KCNH7: variants seen among roughly 807,000 people sequenced by gnomAD.
The protein encoded by KCNH7 is potassium voltage-gated channel subfamily H member 7, also known as voltage-gated inwardly rectifying potassium channel KCNH7.
Under a neutral mutation model 120.8 loss-of-function variants are expected in KCNH7, and 49 were observed. That is an observed-to-expected ratio of 0.41 (90% CI 0.32 to 0.51). The LOEUF (loss-of-function observed/expected upper bound fraction) is 0.51, where lower values mean the gene tolerates loss of function less well. KCNH7 is among the 20% of genes least tolerant of loss of function. The pLI is 0.38. For synonymous variants in KCNH7, 547 were observed against 516.1 expected, an observed-to-expected ratio of 1.06 and a Z score of -0.81; for missense variants, 1,097 against 1,446.6, an observed-to-expected ratio of 0.76 and a Z score of 3.92.
chr2:162,637,205 G>T (rs537711623), intron 2 of KCNH7, among the ~76,000 whole-genome samples: 1 of 152,116 alleles, frequency 6.6e-6, no homozygotes, highest in African/African-American at 2.4e-5. Context: ...TTCATGTGGA[G>T]AATTTCCACA....
intron 2 of KCNH7, among the ~76,000 whole-genome samples, chr2:162,653,096 G>A (rs952777221): frequency 2.7e-4 from 41 of 152,098 alleles, no homozygotes; most frequent in Admixed American, 2.6e-3. Flanking sequence ...CTAAGCTCTC[G>A]ATTTAGAAGG....
At chr2:162,788,091 A>T (rs1373831242) in intron 2 of KCNH7, among the ~76,000 whole-genome samples, 1 of 152,082 alleles carries the variant, frequency 6.6e-6, no homozygotes, top group African/African-American at 2.4e-5. Flanking sequence ...TCATGGAATC[A>T]TGACACCAAC....
intron 2 of KCNH7, among the ~76,000 whole-genome samples, chr2:162,750,008 A>G (rs560397968): frequency 2.0e-4 from 31 of 152,352 alleles, no homozygotes; most frequent in African/African-American, 7.2e-4. Context: ...CATAAAACTT[A>G]CACTGGGGAC....
intron 2 of KCNH7, among the ~76,000 whole-genome samples, chr2:162,773,674 C>G (rs1228493756): frequency 6.6e-6 from 1 of 151,992 alleles, no homozygotes; most frequent in East Asian, 1.9e-4. Flanking sequence ...GTGTAAAACT[C>G]AACATTTTTA....
At chr2:162,492,731 G>A (rs1022179228) in intron 6 of KCNH7, among the ~76,000 whole-genome samples, 4 of 152,034 alleles carry the variant, frequency 2.6e-5, no homozygotes, top group Non-Finnish European at 4.4e-5. Flanking sequence ...AATATTGGCC[G>A]CTTTGCATGG....
At chr2:162,403,739 T>C (rs1019632112) in intron 9 of KCNH7, among the ~76,000 whole-genome samples, 12 of 152,042 alleles carry the variant, frequency 7.9e-5, no homozygotes, top group Admixed American at 5.9e-4. Context: ...GTCACATAGA[T>C]CACTGAAGTA....
chr2:162,386,633 G>A (rs1686581333), intron 12 of KCNH7, among the ~76,000 whole-genome samples: 2 of 151,814 alleles, frequency 1.3e-5, no homozygotes, highest in Non-Finnish European at 2.9e-5. Flanking sequence ...TTTGTGGAGT[G>A]TTTTCCAGCA....
chr2:162,474,764 T>C (rs1187644286), intron 6 of KCNH7, among the ~76,000 whole-genome samples: 3 of 140,672 alleles, frequency 2.1e-5, no homozygotes, highest in Non-Finnish European at 3.1e-5. Context: ...CAGAAGAGGA[T>C]CATCTGAGGC....
intron 2 of KCNH7, among the ~76,000 whole-genome samples, chr2:162,812,149 AG>A (rs894826619): frequency 2.1e-4 from 32 of 152,286 alleles, no homozygotes; most frequent in African/African-American, 7.5e-4. Context: ...GATAAGTATC[AG>A]GGTGCAGACT....
intron 6 of KCNH7, among the ~76,000 whole-genome samples, chr2:162,492,407 C>G (rs1336382815): frequency 6.6e-6 from 1 of 152,164 alleles, no homozygotes; most frequent in South Asian, 2.1e-4. Context: ...CGTGGCAGTA[C>G]TCTCTTTTGG....
rs142968746 is a variant in KCNH7, at chr2:162,798,472, T to A, written c.307+38065A>T. On this transcript the variant is annotated intron_variant, in intron 2 of 15. Coordinates refer to ENST00000332142, the MANE Select transcript of KCNH7 (RefSeq NM_033272.4). Reference sequence around the variant, plus strand: ...CAAAATCTTCAATACATTTTCTACATATTAGGTGACAGAATCTTGAACAAA... The same window carrying A: ...CAAAATCTTCAATACATTTTCTACAAATTAGGTGACAGAATCTTGAACAAA... 7.9e-5 allele frequency among the ~76,000 whole-genome samples: 12 copies of A among 152,204 alleles called. No individual in the cohort carries two copies. The East Asian group carries it at 2.3e-3, about 29-fold the overall frequency.
Position 162,526,775 on chromosome 2 carries a change from C to G in KCNH7, c.464-8617G>C, listed in dbSNP as rs183750316. Among the ~76,000 whole-genome samples, 47 of 152,068 alleles carry G rather than the reference C, an allele frequency of 3.1e-4. 1 individual carries two copies. Among genetic ancestry groups the G allele is most frequent in the African/African-American group, 1.1e-3 (45 of 41,540 alleles). On this transcript the variant is annotated intron_variant, in intron 3 of 15. Transcript: ENST00000332142. ...TGTGCAGTTAACACAATCATCACAGCGTCCTAAGCGGACATACATCCTCCT... is the reference window on the plus strand; with the variant it reads ...TGTGCAGTTAACACAATCATCACAGGGTCCTAAGCGGACATACATCCTCCT...
At chr2:162,644,668 C>CT (rs1450430438) in intron 2 of KCNH7, among the ~76,000 whole-genome samples, 2 of 152,168 alleles carry the variant, frequency 1.3e-5, no homozygotes, top group South Asian at 2.1e-4. Context: ...GAATAAACTT[C>CT]TTTTTTTGTA....
At chr2:162,772,957 G>A (rs305691) in intron 2 of KCNH7, among the ~76,000 whole-genome samples, 2 of 151,994 alleles carry the variant, frequency 1.3e-5, no homozygotes, top group South Asian at 2.1e-4. Context: ...TAACCTAATC[G>A]CTCTCCTTGA....
chr2:162,470,469 G>A (rs867814561), intron 6 of KCNH7, among the ~76,000 whole-genome samples: 41 of 150,614 alleles, frequency 2.7e-4, no homozygotes, highest in African/African-American at 5.9e-4. Context: ...CCCTCCGCCC[G>A]GCAGCCGCCC....
intron 6 of KCNH7, among the ~76,000 whole-genome samples, chr2:162,497,461 G>A (rs1690532045): frequency 1.3e-5 from 2 of 152,104 alleles, no homozygotes; most frequent in Admixed American, 6.6e-5. Context: ...TGATAGCTTT[G>A]TAGGCTTTTT....
intron 3 of KCNH7, among the ~76,000 whole-genome samples, chr2:162,529,940 T>G (rs1015432504): frequency 5.9e-5 from 9 of 151,994 alleles, no homozygotes; most frequent in African/African-American, 1.7e-4. Flanking sequence ...TTATCAAAAT[T>G]TGATAGTAAG....
chr2:162,694,748 ATT>A (rs34119660), intron 2 of KCNH7, among the ~76,000 whole-genome samples: 3 of 144,046 alleles, frequency 2.1e-5, no homozygotes, highest in Non-Finnish European at 1.5e-5. Flanking sequence ...ACAAACTTGT[ATT>A]TTTTTTTTTT....
intron 2 of KCNH7, among the ~76,000 whole-genome samples, chr2:162,598,285 T>C (rs1028135670): frequency 1.3e-5 from 2 of 152,092 alleles, no homozygotes; most frequent in Non-Finnish European, 2.9e-5. Context: ...TAAGCTAGAC[T>C]ATAGTAACGG....
Sources: gnomAD v4.1 joint callset for allele counts (sites outside exome capture counted in the v4.1 genomes callset) on GRCh38, gnomAD v4.1.1 for gene constraint, MANE v1.5 for transcripts, NCBI Gene and HGNC (gene_info 2026-07-23, HGNC 2026-07-21) for gene names.